The following ARMC9 variants were observed in gnomAD, a reference collection of about 807,000 sequenced individuals.
The protein encoded by ARMC9 is lisH domain-containing protein ARMC9.
A neutral mutation model predicts 107.0 loss-of-function variants in ARMC9; 94 were observed. The observed-to-expected ratio is 0.88, with a 90% CI of 0.74 to 1.04. ARMC9 has a LOEUF of 1.04. Ranked by LOEUF, ARMC9 falls within the 50% of genes least tolerant of loss-of-function variation. The pLI is 0.00. For synonymous variants in ARMC9, 380 were observed against 396.9 expected (o/e 0.96, Z 0.51); for missense variants, 942 against 1,030.1 (o/e 0.91, Z 1.17).
chr2:231,262,288 T>C lies in ARMC9; in HGVS notation c.1027-18T>C, dbSNP rs2038439940. On this transcript the variant is annotated intron_variant, in intron 11 of 24. Coordinates refer to ENST00000611582, the MANE Select transcript of ARMC9 (RefSeq NM_001352754.2). ...GATAAGACTTAGGTCTCACTACTTTTGTTTTTCTTTGCTCCAGCGCTTGAC... is the reference window on the plus strand; with the variant it reads ...GATAAGACTTAGGTCTCACTACTTTCGTTTTTCTTTGCTCCAGCGCTTGAC... 6.2e-7 allele frequency: 1 copy of C among 1,613,182 alleles called. No individual in the cohort carries two copies. The highest frequency in any genetic ancestry group is 1.3e-5 in the African/African-American group (1 of 75,038).
intron 9 of ARMC9, among the ~76,000 whole-genome samples, chr2:231,244,459 G>A (rs925876359): frequency 6.6e-6 from 1 of 150,684 alleles, no homozygotes; most frequent in African/African-American, 2.4e-5. Context: ...TTGACCTCCT[G>A]GGATCAAGTG....
At chr2:231,207,773 C>G (rs530715648) in intron 2 of ARMC9, among the ~76,000 whole-genome samples, 1 of 152,206 alleles carries the variant, frequency 6.6e-6, no homozygotes, top group African/African-American at 2.4e-5. Flanking sequence ...GGCTCCTGGC[C>G]GGTAGTTCTA....
At chr2:231,227,653 A>G (rs2034775295) in intron 7 of ARMC9, among the ~76,000 whole-genome samples, 1 of 152,190 alleles carries the variant, frequency 6.6e-6, no homozygotes. Context: ...GGAAGCATTA[A>G]TTAGTAAATT....
chr2:231,313,480 A>C (rs1304328562), intron 19 of ARMC9, among the ~76,000 whole-genome samples: 1 of 152,222 alleles, frequency 6.6e-6, no homozygotes, highest in Non-Finnish European at 1.5e-5. Context: ...TTTATTGAGG[A>C]TATAATTTAT....
chr2:231,356,429 G>GA (rs2045347467), intron 22 of ARMC9, among the ~76,000 whole-genome samples: 1 of 152,246 alleles, frequency 6.6e-6, no homozygotes, highest in African/African-American at 2.4e-5. Context: ...TTAGATGCCA[G>GA]AAAAAATATA....
At chr2:231,264,522 G>A (rs1021578960) in intron 12 of ARMC9, among the ~76,000 whole-genome samples, 1 of 148,498 alleles carries the variant, frequency 6.7e-6, no homozygotes, top group African/African-American at 2.5e-5. Context: ...TTTGAGATGG[G>A]GTTTCACTCT....
At chr2:231,231,278 A>G (rs2035188246) in intron 7 of ARMC9, among the ~76,000 whole-genome samples, 1 of 152,244 alleles carries the variant, frequency 6.6e-6, no homozygotes, top group South Asian at 2.1e-4. Context: ...ATGTTCTCCA[A>G]TACTTACGAC....
At chr2:231,338,526 C>T in intron 20 of ARMC9, among the ~76,000 whole-genome samples, 1 of 150,496 alleles carries the variant, frequency 6.6e-6, no homozygotes, top group East Asian at 1.9e-4. Context: ...CTCGCCCGGC[C>T]CCAATTCACT....
chr2:231,359,648 C>G (rs754354887), intron 22 of ARMC9, among the ~76,000 whole-genome samples: 1 of 152,138 alleles, frequency 6.6e-6, no homozygotes, highest in Non-Finnish European at 1.5e-5. Flanking sequence ...CTGCGTGTAG[C>G]CCAGCAATTC....
At chr2:231,296,036 C>T (rs2041340524) in intron 18 of ARMC9, 162 bp from the exon 19 acceptor site, 1 of 460,298 alleles carries the variant, frequency 2.2e-6, no homozygotes, top group South Asian at 5.8e-5. Context: ...TGATCTCAGA[C>T]AGTGACTGAA....
Position 231,275,073 on chromosome 2 carries a change from T to G in ARMC9, c.1335-1563T>G, listed in dbSNP as rs2039646906. Among the ~76,000 whole-genome samples, 2 of 152,222 alleles carry G rather than the reference T, an allele frequency of 1.3e-5. 1 individual carries two copies. The highest frequency in any genetic ancestry group is 1.3e-4 in the Admixed American group (2 of 15,284). ...GGTAATGCAAATGTTTACTGCCTGT[T>G]TATCTTTTCCTCTAAGTGTTAATTT... is the stretch of plus-strand genomic sequence containing the variant. On this transcript the variant is annotated intron_variant, in intron 14 of 24. Coordinates refer to ENST00000611582, the MANE Select transcript of ARMC9 (RefSeq NM_001352754.2).
chr2:231,365,093 G>A (rs1488969373), intron 23 of ARMC9, among the ~76,000 whole-genome samples: 1 of 152,224 alleles, frequency 6.6e-6, no homozygotes, highest in Admixed American at 6.5e-5. Flanking sequence ...GCAGCCAGGA[G>A]CCAGGGCCAG....
rs189035682 is a variant in ARMC9 at position 231,231,604 on chromosome 2, G to A, written c.623-3620G>A. On this transcript the variant is annotated intron_variant, in intron 7 of 24. Coordinates refer to ENST00000611582, the MANE Select transcript of ARMC9 (RefSeq NM_001352754.2). ...TCACCACGTTGGCCAGGCTGGTCTC[G>A]AACTCCTGGCTTCAAGCAATTCAAT... Among the ~76,000 whole-genome samples, 624 of 151,876 alleles carry A rather than the reference G, an allele frequency of 4.1e-3. 4 individuals carry two copies. The highest frequency in any genetic ancestry group is 0.014 in the African/African-American group (590 of 41,408).
chr2:231,319,265 C>G (rs868329289), intron 19 of ARMC9, among the ~76,000 whole-genome samples: 19 of 152,126 alleles, frequency 1.2e-4, no homozygotes, highest in African/African-American at 3.9e-4. Context: ...GGCGCTGGGA[C>G]CAGGTAGCCT....
At chr2:231,215,176 A>G (rs948875396) in intron 4 of ARMC9, 175 bp downstream of exon 4, 1 of 621,348 alleles carries the variant, frequency 1.6e-6, no homozygotes, top group Admixed American at 3.6e-5. Flanking sequence ...AGCAGTTTAT[A>G]TTCTAATTTC....
At chr2:231,303,615 T>C (rs1383283727) in intron 19 of ARMC9, among the ~76,000 whole-genome samples, 1 of 152,216 alleles carries the variant, frequency 6.6e-6, no homozygotes. Context: ...TTTTTCCCTT[T>C]CATACTACTG....
At chr2:231,278,083 C>G (rs2039916088) in intron 15 of ARMC9, among the ~76,000 whole-genome samples, 1 of 152,086 alleles carries the variant, frequency 6.6e-6, no homozygotes, top group African/African-American at 2.4e-5. Flanking sequence ...GAGTAATAGC[C>G]ACCACTTGGG....
intron 4 of ARMC9, chr2:231,215,368 T>C (rs78885097): frequency 0.01 from 1,726 of 165,630 alleles, 12 homozygotes; most frequent in Non-Finnish European, 0.016. Context: ...ACTTATTTAT[T>C]GTAGAGAAAG....
In ARMC9 at chr2:231,245,221, C is replaced by T. The variant is rs75750199; in HGVS notation, c.879+5180C>T. Among the ~76,000 whole-genome samples, 279 of 152,312 alleles carry T rather than the reference C, an allele frequency of 1.8e-3. 3 individuals are homozygous for T. The highest frequency in any genetic ancestry group is 6.4e-3 in the African/African-American group (266 of 41,574). On this transcript the variant is annotated intron_variant, in intron 9 of 24. Coordinates refer to ENST00000611582, the MANE Select transcript of ARMC9 (RefSeq NM_001352754.2). ...TTACCTTATCAGAGCCTGTGGCTTG[C>T]TGGGATATGGGAGAAATCAGATTTT... is the stretch of plus-strand genomic sequence containing the variant.
Sources: gnomAD v4.1 joint callset for allele counts (sites outside exome capture counted in the v4.1 genomes callset) on GRCh38, gnomAD v4.1.1 for gene constraint, MANE v1.5 for transcripts, NCBI Gene and HGNC (gene_info 2026-07-23, HGNC 2026-07-21) for gene names.